Variants in SORCS1 observed in about 807,000 individuals in gnomAD.
SORCS1 encodes sortilin related VPS10 domain containing receptor 1, also known as VPS10 domain-containing receptor SorCS1.
SORCS1 carries 60 observed loss-of-function variants against 146.1 expected under a neutral mutation model. The observed-to-expected ratio is 0.41, with a 90% CI of 0.33 to 0.51. SORCS1 has a LOEUF of 0.51. Among genes scored for constraint, SORCS1 ranks in the 20% least tolerant of loss-of-function variants. The pLI is 0.21. For missense variants in SORCS1, 1,352 were observed against 1,487.6 expected, an observed-to-expected ratio of 0.91 and a Z score of 1.50; for synonymous variants, 637 against 584.0, an observed-to-expected ratio of 1.09 and a Z score of -1.31.
intron 24 of SORCS1, among the ~76,000 whole-genome samples, chr10:106,588,064 A>C (rs1380163416): frequency 6.6e-6 from 1 of 152,212 alleles, no homozygotes; most frequent in Non-Finnish European, 1.5e-5. Context: ...TGGCACATGA[A>C]CAGCATCTAG....
At chr10:106,897,667 C>T (rs914480823) in intron 2 of SORCS1, among the ~76,000 whole-genome samples, 1 of 151,894 alleles carries the variant, frequency 6.6e-6, no homozygotes, top group African/African-American at 2.4e-5. Context: ...TCCTTCCCAA[C>T]ACTCAAATTT....
chr10:107,096,308 T>TA, intron 1 of SORCS1, among the ~76,000 whole-genome samples: 1 of 152,352 alleles, frequency 6.6e-6, no homozygotes, highest in Middle Eastern at 3.4e-3. Flanking sequence ...AGGGACTGGC[T>TA]ATGAGGTAGA....
chr10:106,741,644 G>C (rs1028672215), intron 5 of SORCS1, among the ~76,000 whole-genome samples: 3 of 151,536 alleles, frequency 2.0e-5, no homozygotes, highest in African/African-American at 7.3e-5. Context: ...GAGTGAGAGA[G>C]AGAGAGAATG....
intron 20 of SORCS1, 76 bp from the exon 21 acceptor site, chr10:106,618,348 C>T: frequency 1.3e-6 from 2 of 1,564,840 alleles, no homozygotes; most frequent in Non-Finnish European, 1.7e-6. Context: ...TGTGAGCCAA[C>T]AATAGGCTGT....
chr10:107,165,754 C>G (rs964190362), upstream of SORCS1, among the ~76,000 whole-genome samples: 2 of 152,180 alleles, frequency 1.3e-5, no homozygotes, highest in African/African-American at 4.8e-5. The surrounding 1 kb of genome is among the most constrained non-coding windows in gnomAD (Gnocchi z 4.0). Flanking sequence ...TTTGAGATCC[C>G]TAATAGCAAG....
intron 2 of SORCS1, among the ~76,000 whole-genome samples, chr10:106,851,117 G>T (rs1410886384): frequency 2.0e-5 from 3 of 152,158 alleles, no homozygotes; most frequent in Non-Finnish European, 4.4e-5. Context: ...GCCTTCATCA[G>T]ATAGGTCTTT....
intron 6 of SORCS1, among the ~76,000 whole-genome samples, chr10:106,710,475 T>C (rs1305392432): frequency 6.6e-6 from 1 of 150,804 alleles, no homozygotes. Flanking sequence ...GAGGAGTTCC[T>C]TGAGTTAAGA....
intron 23 of SORCS1, among the ~76,000 whole-genome samples, chr10:106,602,512 A>AACACACACACAC (rs66699179): frequency 0.064 from 8,924 of 138,592 alleles, 285 homozygotes; most frequent in East Asian, 0.08. Flanking sequence ...ATTCCTTCAT[A>AACACACACACAC]ACACACACAC....
At chr10:106,652,576 C>A in intron 17 of SORCS1, 23 bp from the exon 18 acceptor site, 1 of 1,607,284 alleles carries the variant, frequency 6.2e-7, no homozygotes, top group Non-Finnish European at 8.5e-7. Flanking sequence ...AAGCTCAAGT[C>A]GTAAACCAGC....
chr10:106,917,786 G>A (rs894412188), intron 2 of SORCS1, among the ~76,000 whole-genome samples: 1 of 152,192 alleles, frequency 6.6e-6, no homozygotes, highest in Admixed American at 6.5e-5. Flanking sequence ...GGGTTCTAAA[G>A]AGTCCCTCAG....
chr10:107,007,879 T>C (rs1957523827), intron 1 of SORCS1, among the ~76,000 whole-genome samples: 2 of 152,184 alleles, frequency 1.3e-5, no homozygotes, highest in South Asian at 4.1e-4. Context: ...TATTCTTCAC[T>C]TGTTCTTGGC....
chr10:106,942,613 GAC>G (rs1363391121), intron 2 of SORCS1, among the ~76,000 whole-genome samples: 1 of 152,080 alleles, frequency 6.6e-6, no homozygotes, highest in African/African-American at 2.4e-5. Flanking sequence ...CAAATGGCAG[GAC>G]ACCCCTTAAC....
At chr10:107,124,032 A>C (rs1966556055) in intron 1 of SORCS1, among the ~76,000 whole-genome samples, 1 of 151,196 alleles carries the variant, frequency 6.6e-6, no homozygotes, top group African/African-American at 2.4e-5. Context: ...GCTTGCAGTG[A>C]GCCGAGGTCC....
intron 1 of SORCS1, among the ~76,000 whole-genome samples, chr10:106,976,467 G>A (rs1452841236): frequency 6.6e-6 from 1 of 151,636 alleles, no homozygotes. Flanking sequence ...GAGTAGCTGG[G>A]ACTACAGAAG....
At chr10:106,780,701 C>T (rs1419837964) in intron 3 of SORCS1, among the ~76,000 whole-genome samples, 1 of 152,196 alleles carries the variant, frequency 6.6e-6, no homozygotes, top group Non-Finnish European at 1.5e-5. Context: ...GAGAAAGACA[C>T]TGCCTTTATC....
chr10:107,099,565 C>CA (rs1434890054), intron 1 of SORCS1, among the ~76,000 whole-genome samples: 5 of 152,256 alleles, frequency 3.3e-5, no homozygotes, highest in African/African-American at 1.2e-4. Flanking sequence ...ACTTAATAGT[C>CA]TATTAATAGT....
chr10:106,929,772 T>TACACAC (rs1953295172), intron 2 of SORCS1, among the ~76,000 whole-genome samples: 1 of 113,182 alleles, frequency 8.8e-6, no homozygotes, highest in African/African-American at 3.1e-5. Context: ...CATGTGCACG[T>TACACAC]GCACACACAC....
At chr10:106,986,828 A>G (rs1294515712) in intron 1 of SORCS1, among the ~76,000 whole-genome samples, 1 of 152,044 alleles carries the variant, frequency 6.6e-6, no homozygotes, top group Non-Finnish European at 1.5e-5. Flanking sequence ...TTTTTTCATG[A>G]GAGTTGCCAC....
intron 2 of SORCS1, among the ~76,000 whole-genome samples, chr10:106,895,617 A>G (rs1951443569): frequency 6.6e-6 from 1 of 152,200 alleles, no homozygotes; most frequent in Non-Finnish European, 1.5e-5. Context: ...TCTCAAAAAT[A>G]CTACTACTAA....
Sources: gnomAD v4.1 joint callset for allele counts (sites outside exome capture counted in the v4.1 genomes callset) on GRCh38, gnomAD v4.1.1 for gene constraint, Gnocchi (gnomAD v3.1) non-coding constraint, MANE v1.5 for transcripts, NCBI Gene and HGNC (gene_info 2026-07-23, HGNC 2026-07-21) for gene names.